RBFOX1: variants seen among roughly 807,000 people sequenced by gnomAD.
RBFOX1 encodes RNA binding fox-1 homolog 1.
A neutral mutation model predicts 57.7 loss-of-function variants in RBFOX1; 8 were observed. That is an observed-to-expected ratio of 0.14 (90% CI 0.08 to 0.25). The LOEUF is 0.25. RBFOX1 is among the 10% of genes least tolerant of loss of function. The pLI is 1.00. For synonymous variants in RBFOX1, 326 were observed against 222.4 expected (o/e 1.47, Z -4.15); for missense variants, 611 against 548.5 (o/e 1.11, Z -1.14).
At chr16:6,349,568 G>A (rs1567990800) in intron 2 of RBFOX1, among the ~76,000 whole-genome samples, 1 of 152,228 alleles carries the variant, frequency 6.6e-6, no homozygotes, top group East Asian at 1.9e-4. Context: ...TAAACAATTT[G>A]CATGGCTTAC....
At chr16:5,319,134 C>CAAAT (rs2064326931) in intron 1 of RBFOX1, among the ~76,000 whole-genome samples, 1 of 149,126 alleles carries the variant, frequency 6.7e-6, no homozygotes, top group Non-Finnish European at 1.5e-5. Context: ...CTCAAACAAA[C>CAAAT]AAACAAACAA....
intron 2 of RBFOX1, among the ~76,000 whole-genome samples, chr16:6,498,505 A>G (rs962067163): frequency 6.6e-6 from 1 of 152,166 alleles, no homozygotes; most frequent in Non-Finnish European, 1.5e-5. Context: ...TTGGTTCAGC[A>G]ATCAGGCCCT....
At chr16:5,784,864 A>G (rs539976034) in intron 3 of RBFOX1, among the ~76,000 whole-genome samples, 1 of 152,012 alleles carries the variant, frequency 6.6e-6, no homozygotes, top group African/African-American at 2.4e-5. Context: ...CAGACACTGA[A>G]TCTCCCGGTG....
rs59599069 is a variant in RBFOX1 at position 7,304,915 on chromosome 16, G to GGTGTGTGT, written c.28-213195_28-213188dup. Reference sequence around the variant, plus strand: ...AGGAGAAGTGTGTGGTGTGTGGTGTGGTGTGTGTGTGTGTGTGTGTGTGTG... The same window carrying GGTGTGTGT: ...AGGAGAAGTGTGTGGTGTGTGGTGTGGTGTGTGTGTGTGTGTGTGTGTGTGTGTGTGTG... On this transcript the variant is annotated intron_variant, in intron 4 of 15. Coordinates refer to ENST00000550418, the MANE Select transcript of RBFOX1 (RefSeq NM_018723.4). 7.0e-4 allele frequency among the ~76,000 whole-genome samples: 99 copies of GGTGTGTGT among 140,492 alleles called. 1 individual carries two copies. The highest frequency in any genetic ancestry group is 1.2e-3 in the Non-Finnish European group (75 of 65,206). 92.2% of individuals were successfully genotyped at this position (140,492 alleles called of 152,430 possible).
chr16:5,314,465 C>T (rs1287953222), intron 1 of RBFOX1, among the ~76,000 whole-genome samples: 1 of 152,214 alleles, frequency 6.6e-6, no homozygotes, highest in East Asian at 1.9e-4. Context: ...GCAGCAGGCA[C>T]AGTGACTCAT....
intron 4 of RBFOX1, among the ~76,000 whole-genome samples, chr16:7,067,202 C>A (rs549733174): frequency 6.6e-6 from 1 of 152,136 alleles, no homozygotes; most frequent in Non-Finnish European, 1.5e-5. Context: ...ATCTTGAAAA[C>A]TTAATTAAAG....
intron 4 of RBFOX1, among the ~76,000 whole-genome samples, chr16:7,247,644 G>C (rs112723962): frequency 3.3e-5 from 5 of 152,328 alleles, no homozygotes; most frequent in African/African-American, 9.6e-5. Context: ...GTGATTTTAA[G>C]AATACATTAG....
At chr16:5,326,121 T>A (rs771929083) in intron 1 of RBFOX1, among the ~76,000 whole-genome samples, 11 of 152,202 alleles carry the variant, frequency 7.2e-5, no homozygotes, top group Non-Finnish European at 1.6e-4. Flanking sequence ...TGTCAGCACT[T>A]GGTATCGTCA....
At chr16:5,506,509 A>T (rs569184756) in intron 2 of RBFOX1, among the ~76,000 whole-genome samples, 10 of 152,188 alleles carry the variant, frequency 6.6e-5, no homozygotes, top group Non-Finnish European at 1.0e-4. Flanking sequence ...AATATAAATA[A>T]GTACACAAAG....
intron 2 of RBFOX1, among the ~76,000 whole-genome samples, chr16:6,534,462 A>C (rs2096708247): frequency 6.6e-6 from 1 of 152,142 alleles, no homozygotes; most frequent in Non-Finnish European, 1.5e-5. Context: ...AAGACTTCAT[A>C]TATATTTACC....
chr16:6,847,181 C>T (rs2093802613), intron 3 of RBFOX1, among the ~76,000 whole-genome samples: 1 of 152,154 alleles, frequency 6.6e-6, no homozygotes, highest in African/African-American at 2.4e-5. Flanking sequence ...GCCCTCACTT[C>T]CAGGGACTTA....
At chr16:5,852,312 G>C (rs1297839780) in intron 3 of RBFOX1, among the ~76,000 whole-genome samples, 1 of 152,174 alleles carries the variant, frequency 6.6e-6, no homozygotes, top group African/African-American at 2.4e-5. Context: ...GAAGCAGTGA[G>C]GATTGCAGGC....
At chr16:6,771,822 C>G (rs757811004) in intron 3 of RBFOX1, among the ~76,000 whole-genome samples, 23 of 152,132 alleles carry the variant, frequency 1.5e-4, no homozygotes, top group Admixed American at 3.9e-4. Flanking sequence ...TGTACCAAGA[C>G]TGAGAGTTCC....
At chr16:5,346,495 C>T (rs909726041) in intron 1 of RBFOX1, among the ~76,000 whole-genome samples, 4 of 152,128 alleles carry the variant, frequency 2.6e-5, no homozygotes, top group Admixed American at 1.3e-4. Flanking sequence ...GGGTGCTTTG[C>T]GGAGAGAGAG....
intron 4 of RBFOX1, among the ~76,000 whole-genome samples, chr16:7,361,855 CTGTG>C (rs1448853917): frequency 1.4e-5 from 2 of 145,016 alleles, no homozygotes; most frequent in African/African-American, 5.2e-5. Flanking sequence ...TTTTGTGTGT[CTGTG>C]TGTTAGTGCG....
At chr16:7,372,340 T>A (rs1482791424) in intron 4 of RBFOX1, among the ~76,000 whole-genome samples, 3 of 152,184 alleles carry the variant, frequency 2.0e-5, no homozygotes, top group Admixed American at 1.3e-4. Flanking sequence ...TCACCCTGCT[T>A]AGGATCAGAC....
intron 2 of RBFOX1, among the ~76,000 whole-genome samples, chr16:6,370,948 G>A (rs1355394621): frequency 6.6e-6 from 1 of 152,182 alleles, no homozygotes; most frequent in Admixed American, 6.5e-5. Context: ...CTTTGTGGAT[G>A]ACCCTCAATT....
intron 3 of RBFOX1, among the ~76,000 whole-genome samples, chr16:6,880,040 A>T (rs566357927): frequency 1.3e-5 from 2 of 152,286 alleles, no homozygotes; most frequent in East Asian, 1.9e-4. Flanking sequence ...TCCTCCATCC[A>T]TGCAAGTAAA....
chr16:7,154,263 G>C (rs2076660183), intron 4 of RBFOX1, among the ~76,000 whole-genome samples: 1 of 152,224 alleles, frequency 6.6e-6, no homozygotes. Flanking sequence ...ACATGGCAGA[G>C]ATACTTAGTT....
Sources: gnomAD v4.1 joint callset for allele counts (sites outside exome capture counted in the v4.1 genomes callset) on GRCh38, gnomAD v4.1.1 for gene constraint, MANE v1.5 for transcripts, NCBI Gene and HGNC (gene_info 2026-07-23, HGNC 2026-07-21) for gene names.